Variants in TASOR observed in about 807,000 individuals in gnomAD.
The protein encoded by TASOR is transcription activation suppressor.
In TASOR, 53 loss-of-function variants were observed where a neutral mutation model predicts 178.6. That is an observed-to-expected ratio of 0.30 (90% CI 0.24 to 0.37). TASOR has a LOEUF of 0.37. Ranked by LOEUF, TASOR falls within the 10% of genes least tolerant of loss-of-function variation. The pLI is 1.00. For synonymous variants in TASOR, 713 were observed against 696.2 expected, an observed-to-expected ratio of 1.02 and a Z score of -0.38; for missense variants, 1,815 against 1,971.4, an observed-to-expected ratio of 0.92 and a Z score of 1.50.
At chr3:56,680,041 A>AG (rs2031657530) in intron 1 of TASOR, among the ~76,000 whole-genome samples, 1 of 151,906 alleles carries the variant, frequency 6.6e-6, no homozygotes, top group Non-Finnish European at 1.5e-5. Flanking sequence ...TATTTAATGA[A>AG]GGGGGGGAAC....
chr3:56,622,647 T>C lies in TASOR; in HGVS notation c.*390A>G, dbSNP rs1221512765. The C allele has an allele frequency of 6.5e-6, 1 of 154,986 alleles. No homozygotes were observed. The highest frequency in any genetic ancestry group is 1.4e-5 in the Non-Finnish European group (1 of 69,786). 9.6% of individuals were successfully genotyped at this position (154,986 alleles called of 1,614,324 possible). A position where few individuals can be genotyped will look rare whatever the true frequency, so the allele number is the denominator to read the frequency against. On this transcript the variant is annotated 3_prime_UTR_variant, in exon 24 of 24. Coordinates refer to ENST00000683822, the MANE Select transcript of TASOR (RefSeq NM_001365635.2). ...GACTTATACCTGTGTAAACACAGTA[T>C]ACAAAAGCCTACATCAAAATAATTC...
In TASOR at chr3:56,660,843, A is replaced by G; in HGVS notation, c.1265-9T>C. On this transcript the variant is annotated splice_polypyrimidine_tract_variant and intron_variant, in intron 10 of 23. Coordinates refer to ENST00000683822, the MANE Select transcript of TASOR (RefSeq NM_001365635.2). ...CATTCCATTCTTCAAAACTGACATA[A>G]GAAAAATACATAGTAAATATCCAAA... 1.9e-6 allele frequency: 3 copies of G among 1,612,220 alleles called. No homozygotes were observed. The highest frequency in any genetic ancestry group is 2.5e-6 in the Non-Finnish European group (3 of 1,179,138).
chr3:56,638,891 C>T (rs1461726434), intron 16 of TASOR, 126 bp from the exon 17 acceptor site: 1 of 868,852 alleles, frequency 1.2e-6, no homozygotes, highest in Non-Finnish European at 1.9e-6. Flanking sequence ...TCTGAAGGGT[C>T]ATACTGGTGA....
At chr3:56,673,270 C>T (rs1179116812) in intron 2 of TASOR, among the ~76,000 whole-genome samples, 2 of 151,894 alleles carry the variant, frequency 1.3e-5, no homozygotes, top group East Asian at 1.9e-4. Context: ...TCATTTAAAA[C>T]TTGTTTTCCC....
chr3:56,634,000 T>C, intron 17 of TASOR, 34 bp from the exon 18 acceptor site: 6 of 1,445,542 alleles, frequency 4.2e-6, no homozygotes, highest in Non-Finnish European at 5.5e-6. Context: ...ATAAGAGCAA[T>C]CCAAAAAGAT....
At position 56,669,775 on chromosome 3, in the gene TASOR, C is replaced by A. The variant is rs759563641; in HGVS notation, c.660G>T (p.Arg220Ser). ...GATTCGCTTGTAATAAATCAGCATA[C>A]CTAGAAAGATAGACACCTAGAAAAG... ...GSPSMGVYLS[R>S]YADLLQANPL... is the part of the protein sequence containing the mutation. The change falls in exon 5 of 24, where the codon AGG becomes AGT. Residue 220 changes from arginine (R) to serine (S), a missense_variant. By Grantham distance (110) the Arg-to-Ser change is moderately radical (BLOSUM62 -1). Transcript: ENST00000683822. 1.0e-5 allele frequency: 16 copies of A among 1,546,002 alleles called. No homozygotes were observed. Among genetic ancestry groups the A allele is most frequent in the Non-Finnish European group, 1.4e-5 (16 of 1,144,756 alleles).
At chr3:56,650,506 C>G (rs541606761) in intron 11 of TASOR, among the ~76,000 whole-genome samples, 1 of 152,134 alleles carries the variant, frequency 6.6e-6, no homozygotes, top group Non-Finnish European at 1.5e-5. Context: ...GTCAGATGAC[C>G]AAATGACTAG....
intron 1 of TASOR, among the ~76,000 whole-genome samples, chr3:56,677,280 A>G (rs780238251): frequency 2.0e-5 from 3 of 152,212 alleles, no homozygotes; most frequent in Non-Finnish European, 4.4e-5. Flanking sequence ...TGTCTATCCA[A>G]ATAGGGAAAG....
At position 56,683,054 on chromosome 3, in the gene TASOR, G is replaced by A; in HGVS notation, c.-48C>T. 1 of 1,448,184 alleles carries A rather than the reference G, an allele frequency of 6.9e-7. No homozygotes were observed. The allele number at this position is 1,448,184 out of a possible 1,614,324, so 89.7% of individuals were successfully genotyped here. ...GGAAGCTTCTGCCCACAAGGTCGAC[G>A]GGTGTGGGGGGAAGGGGCGGCGGGC... is the stretch of plus-strand genomic sequence containing the variant. On this transcript the variant is annotated 5_prime_UTR_variant, in exon 1 of 24. Transcript: ENST00000683822.
At chr3:56,642,909 G>A (rs1334942669) in intron 14 of TASOR, among the ~76,000 whole-genome samples, 1 of 152,128 alleles carries the variant, frequency 6.6e-6, no homozygotes, top group African/African-American at 2.4e-5. Flanking sequence ...CCAGGAGGCG[G>A]AGGTTGCGGT....
chr3:56,675,717 T>C (rs1313017169), intron 1 of TASOR, among the ~76,000 whole-genome samples: 1 of 152,176 alleles, frequency 6.6e-6, no homozygotes, highest in African/African-American at 2.4e-5. Flanking sequence ...CACTATTTAA[T>C]AAGGGTCAAG....
In TASOR at chr3:56,673,724, T is replaced by C; in HGVS notation, c.333A>G (p.Ala111=). 6.5e-7 allele frequency: 1 copy of C among 1,538,816 alleles called. No homozygotes were observed. Among genetic ancestry groups the C allele is most frequent in the East Asian group, 2.5e-5 (1 of 40,698 alleles). Residue 111 remains alanine, a splice_region_variant and synonymous_variant, in exon 2 of 24, where the codon GCA becomes GCG. Transcript: ENST00000683822. ...QIPRKSREKK[A]LFQPLTPGSR... ...AGCCTGGAGTTAATGGCTGGAAAAG[T>C]GCTAAAATAAAAAAACAAACATTTA... is the stretch of plus-strand genomic sequence containing the variant.
At chr3:56,639,278 T>G in intron 16 of TASOR, among the ~76,000 whole-genome samples, 1 of 151,412 alleles carries the variant, frequency 6.6e-6, no homozygotes, top group East Asian at 2.0e-4. Flanking sequence ...GGTGTAGGAC[T>G]GGAAAAGACG....
chr3:56,647,289 G>A (rs1056556735), intron 13 of TASOR, 66 bp from the exon 14 acceptor site: 2 of 1,263,604 alleles, frequency 1.6e-6, no homozygotes, highest in Admixed American at 2.7e-5. Context: ...ATCAAATACA[G>A]ATCTAAATAT....
At chr3:56,658,535 T>G (rs549029523) in intron 11 of TASOR, among the ~76,000 whole-genome samples, 2 of 152,324 alleles carry the variant, frequency 1.3e-5, no homozygotes, top group South Asian at 2.1e-4. Context: ...ATTTTGATGA[T>G]GAGGAATGCT....
Position 56,627,974 on chromosome 3 carries a change from G to C in TASOR, c.3871-233C>G, listed in dbSNP as rs145323717. Among the ~76,000 whole-genome samples the C allele has an allele frequency of 1.2e-4, 19 of 152,250 alleles. No individual in the cohort carries two copies. In the East Asian group the frequency reaches 3.7e-3, roughly 29 times the overall value. On this transcript the variant is annotated intron_variant, in intron 19 of 23. Coordinates refer to ENST00000683822, the MANE Select transcript of TASOR (RefSeq NM_001365635.2). ...GACTAAGGAAAAGGAGCTTACAATAGACCTGAAAACACAAAATGGACAAAA... is the reference window on the plus strand; with the variant it reads ...GACTAAGGAAAAGGAGCTTACAATACACCTGAAAACACAAAATGGACAAAA...
chr3:56,656,918 G>C (rs2077482790), intron 11 of TASOR, among the ~76,000 whole-genome samples: 1 of 151,692 alleles, frequency 6.6e-6, no homozygotes, highest in Non-Finnish European at 1.5e-5. Context: ...GCTGATGCAG[G>C]AGAACTGCTT....
intron 7 of TASOR, 28 bp downstream of exon 7, chr3:56,666,232 G>C (rs1455735418): frequency 2.0e-6 from 3 of 1,508,918 alleles, no homozygotes; most frequent in South Asian, 2.7e-5. Flanking sequence ...TATCACTGCG[G>C]ATGATGTCTA....
intron 14 of TASOR, among the ~76,000 whole-genome samples, chr3:56,646,280 GTAGCAAATATTT>G (rs563804503): frequency 3.0e-4 from 45 of 152,324 alleles, no homozygotes; most frequent in Admixed American, 2.7e-3. Flanking sequence ...ACTGGGCCAG[GTAGCAAATATTT>G]TAGGCTTTGT....
Sources: gnomAD v4.1 joint callset for allele counts (sites outside exome capture counted in the v4.1 genomes callset) on GRCh38, gnomAD v4.1.1 for gene constraint, MANE v1.5 for transcripts, NCBI Gene and HGNC (gene_info 2026-07-23, HGNC 2026-07-21) for gene names.